RBFOX1: variants seen among roughly 807,000 people sequenced by gnomAD.
The protein encoded by RBFOX1 is RNA binding protein fox-1 homolog 1.
A neutral mutation model predicts 57.7 loss-of-function variants in RBFOX1; 8 were observed. That is an observed-to-expected ratio of 0.14 (90% CI 0.08 to 0.25). The LOEUF is 0.25. Among genes scored for constraint, RBFOX1 ranks in the 10% least tolerant of loss-of-function variants. RBFOX1 has a pLI of 1.00. For synonymous variants in RBFOX1, 326 were observed against 222.4 expected, an observed-to-expected ratio of 1.47 and a Z score of -4.15; for missense variants, 611 against 548.5, an observed-to-expected ratio of 1.11 and a Z score of -1.14.
At chr16:7,421,852 A>G (rs538699547) in intron 4 of RBFOX1, among the ~76,000 whole-genome samples, 1 of 152,292 alleles carries the variant, frequency 6.6e-6, no homozygotes, top group South Asian at 2.1e-4. Context: ...GCAAATAGAG[A>G]GTGTTCATTT....
At chr16:6,555,366 A>T (rs1174076065) in intron 2 of RBFOX1, among the ~76,000 whole-genome samples, 1 of 152,150 alleles carries the variant, frequency 6.6e-6, no homozygotes, top group Non-Finnish European at 1.5e-5. Flanking sequence ...TATGGGTTTG[A>T]CCACACAGTA....
chr16:7,424,727 C>A (rs1339215917), intron 4 of RBFOX1, among the ~76,000 whole-genome samples: 1 of 152,218 alleles, frequency 6.6e-6, no homozygotes, highest in Admixed American at 6.5e-5. Context: ...TCAGCTTTGA[C>A]AGTTTGGGAT....
chr16:5,897,116 A>G (rs1290800563), intron 4 of RBFOX1, among the ~76,000 whole-genome samples: 1 of 141,690 alleles, frequency 7.1e-6, no homozygotes, highest in Non-Finnish European at 1.5e-5. Context: ...GCTCACTGCA[A>G]GCTCCGCTTC....
chr16:6,989,227 A>C (rs2090982850), intron 3 of RBFOX1, among the ~76,000 whole-genome samples: 1 of 152,122 alleles, frequency 6.6e-6, no homozygotes, highest in African/African-American at 2.4e-5. Flanking sequence ...GGCTATTAGA[A>C]AAATTTTAAT....
intron 4 of RBFOX1, among the ~76,000 whole-genome samples, chr16:7,253,260 A>G (rs531558937): frequency 5.3e-5 from 8 of 152,322 alleles, no homozygotes; most frequent in African/African-American, 1.9e-4. Flanking sequence ...CTGGGGGTCA[A>G]ATCAACAAAT....
At chr16:7,198,916 C>G (rs1181479508) in intron 4 of RBFOX1, among the ~76,000 whole-genome samples, 1 of 152,134 alleles carries the variant, frequency 6.6e-6, no homozygotes, top group African/African-American at 2.4e-5. Context: ...GCCTTGTTCA[C>G]AGTTTGCTCA....
intron 2 of RBFOX1, among the ~76,000 whole-genome samples, chr16:6,563,158 T>G (rs771473620): frequency 2.6e-5 from 4 of 152,170 alleles, no homozygotes; most frequent in Non-Finnish European, 5.9e-5. Flanking sequence ...GGTTCCTGTG[T>G]TGTCGTCCTT....
intron 3 of RBFOX1, among the ~76,000 whole-genome samples, chr16:6,902,750 C>T (rs1170535306): frequency 6.6e-6 from 1 of 152,138 alleles, no homozygotes. Context: ...TTTCCATACA[C>T]ATCAAGTTTT....
chr16:6,525,702 A>G (rs756215596), intron 2 of RBFOX1, among the ~76,000 whole-genome samples: 28 of 151,986 alleles, frequency 1.8e-4, no homozygotes, highest in Non-Finnish European at 2.4e-4. Context: ...TGGTGGGAGG[A>G]ACACTGTGCT....
chr16:5,477,799 C>T (rs35296265), intron 2 of RBFOX1, among the ~76,000 whole-genome samples: 16,951 of 152,174 alleles, frequency 0.11, 1,261 homozygotes, highest in Non-Finnish European at 0.16. Context: ...TTCGTACTTG[C>T]AAAATGACGT....
intron 3 of RBFOX1, among the ~76,000 whole-genome samples, chr16:5,652,112 C>A (rs1596594934): frequency 6.6e-6 from 1 of 152,194 alleles, no homozygotes; most frequent in South Asian, 2.1e-4. Flanking sequence ...CCAGCCTGGA[C>A]AACATAGTGA....
At chr16:6,927,310 G>C (rs2075764873) in intron 3 of RBFOX1, among the ~76,000 whole-genome samples, 2 of 150,488 alleles carry the variant, frequency 1.3e-5, no homozygotes, top group East Asian at 4.0e-4. Context: ...CTACTTGGGA[G>C]GTTGAGGCAC....
chr16:6,265,568 A>G (rs1440033006), intron 1 of RBFOX1, among the ~76,000 whole-genome samples: 1 of 151,954 alleles, frequency 6.6e-6, no homozygotes, highest in Non-Finnish European at 1.5e-5. Flanking sequence ...GGCCAGTTTG[A>G]CATTTTGCAT....
intron 10 of RBFOX1, among the ~76,000 whole-genome samples, chr16:7,624,183 G>A (rs1219142649): frequency 1.3e-5 from 2 of 152,140 alleles, no homozygotes; most frequent in African/African-American, 4.8e-5. Flanking sequence ...CAAATGCAAA[G>A]TAAATATTCT....
Position 6,932,221 on chromosome 16 carries a change from G to T in RBFOX1, c.-15-119836G>T, listed in dbSNP as rs146378055. Among the ~76,000 whole-genome samples, 847 of 152,006 alleles carry T rather than the reference G, an allele frequency of 5.6e-3. 11 individuals carry two copies. The highest frequency in any genetic ancestry group is 0.019 in the African/African-American group (793 of 41,470). ...TGTGCTTGAGTGATTTCCCTGCCTC[G>T]GCCTCCCAAGTAGCTGGGATTACAG... On this transcript the variant is annotated intron_variant, in intron 3 of 15. Transcript: ENST00000550418.
intron 3 of RBFOX1, among the ~76,000 whole-genome samples, chr16:6,662,259 G>GT (rs1385196669): frequency 6.6e-6 from 1 of 152,124 alleles, no homozygotes; most frequent in Non-Finnish European, 1.5e-5. Flanking sequence ...TTGAAATGCG[G>GT]TAAGAGAGTA....
At chr16:7,102,527 T>G (rs978150501) in intron 4 of RBFOX1, among the ~76,000 whole-genome samples, 29 of 152,212 alleles carry the variant, frequency 1.9e-4, no homozygotes, top group African/African-American at 6.8e-4. Context: ...TGCTTACTGC[T>G]TCATTAAATT....
At chr16:7,599,174 T>A (rs2094874465) in intron 9 of RBFOX1, among the ~76,000 whole-genome samples, 1 of 152,244 alleles carries the variant, frequency 6.6e-6, no homozygotes, top group Non-Finnish European at 1.5e-5. Context: ...GATTTATATG[T>A]CATACAGCCT....
intron 3 of RBFOX1, among the ~76,000 whole-genome samples, chr16:7,049,051 C>G (rs2049028535): frequency 6.6e-6 from 1 of 152,138 alleles, no homozygotes. Context: ...GGGTCAGATA[C>G]AGACATGAGC....
Sources: gnomAD v4.1 joint callset for allele counts (sites outside exome capture counted in the v4.1 genomes callset) on GRCh38, gnomAD v4.1.1 for gene constraint, MANE v1.5 for transcripts, NCBI Gene and HGNC (gene_info 2026-07-23, HGNC 2026-07-21) for gene names.